The following TSNARE1 variants were observed in gnomAD, a reference collection of about 807,000 sequenced individuals.
TSNARE1 encodes t-SNARE domain containing 1.
TSNARE1 carries 49 observed loss-of-function variants against 62.0 expected under a neutral mutation model. That is an observed-to-expected ratio of 0.79 (90% CI 0.63 to 1.00). The LOEUF is 1.00. Among genes scored for constraint, TSNARE1 ranks in the 50% least tolerant of loss-of-function variants. The pLI, the probability that TSNARE1 is intolerant of heterozygous loss-of-function variation, is 0.00. For synonymous variants in TSNARE1, 328 were observed against 294.4 expected (o/e 1.11, Z -1.17); for missense variants, 755 against 700.1 (o/e 1.08, Z -0.88).
At chr8:142,306,720 A>G (rs1415661704) in intron 9 of TSNARE1, among the ~76,000 whole-genome samples, 2 of 152,202 alleles carry the variant, frequency 1.3e-5, no homozygotes, top group South Asian at 2.1e-4. Flanking sequence ...ACAGGGTTGC[A>G]TATCATCTCA....
intron 1 of TSNARE1, among the ~76,000 whole-genome samples, chr8:142,388,826 C>G (rs1201065979): frequency 6.6e-6 from 1 of 152,024 alleles, no homozygotes; most frequent in Admixed American, 6.5e-5. Context: ...TCTGTCTGCC[C>G]CGGCCTCCCA....
intron 6 of TSNARE1, among the ~76,000 whole-genome samples, chr8:142,320,957 T>C (rs1036962095): frequency 1.2e-4 from 19 of 152,316 alleles, no homozygotes; most frequent in African/African-American, 4.3e-4. Context: ...GCTTTTCTCT[T>C]TCCAGGCAGG....
chr8:142,271,281 C>T (rs1819510579), intron 12 of TSNARE1: 1 of 1,063,480 alleles, frequency 9.4e-7, no homozygotes. Flanking sequence ...CGGTTGAGGG[C>T]CTCCACGCCA....
chr8:142,343,103 G>A (rs543336996), intron 4 of TSNARE1, among the ~76,000 whole-genome samples: 4 of 152,246 alleles, frequency 2.6e-5, no homozygotes, highest in East Asian at 3.9e-4. Context: ...CCAATAAAGC[G>A]ATGCTCTCCC....
intron 10 of TSNARE1, among the ~76,000 whole-genome samples, chr8:142,285,912 C>G (rs1822661032): frequency 6.6e-6 from 1 of 152,206 alleles, no homozygotes; most frequent in Non-Finnish European, 1.5e-5. Context: ...CACATACCAT[C>G]CCCTTCACAC....
At chr8:142,276,645 T>G (rs1272271146) in intron 11 of TSNARE1, 1 of 985,268 alleles carries the variant, frequency 1.0e-6, no homozygotes, top group African/African-American at 1.7e-5. Flanking sequence ...ACACGCAGCC[T>G]CAGCCAAGCC....
At chr8:142,318,663 A>AGGCAGGGGAGGAAGGC in intron 6 of TSNARE1, 29 bp from the exon 7 acceptor site, 1 of 1,611,536 alleles carries the variant, frequency 6.2e-7, no homozygotes, top group Non-Finnish European at 8.5e-7. Flanking sequence ...CCAGGAGCGA[A>AGGCAGGGGAGGAAGGC]GGCAGGGGAG....
rs369916497 is a variant in TSNARE1 at position 142,331,806 on chromosome 8, G to C, written c.771C>G (p.Leu257=). 2.4e-5 allele frequency: 39 copies of C among 1,609,026 alleles called. No individual in the cohort carries two copies. The highest frequency in any genetic ancestry group is 3.1e-5 in the Non-Finnish European group (37 of 1,177,860). The change falls in exon 5 of 14, where the codon CTC becomes CTG. Residue 257 remains leucine, a synonymous_variant. Transcript: ENST00000524325. ...PRATQVDPCN[L]QELFQEMSAN... is the part of the protein sequence containing the mutation. ...CCGACATCTCCTGGAACAGCTCCTG[G>C]AGGTTGCACGGATCGACCTGGGTGG...
intron 2 of TSNARE1, among the ~76,000 whole-genome samples, chr8:142,350,105 G>GCAGGGCAGGCAAGGCTGGGAC (rs1833907887): frequency 8.3e-6 from 1 of 120,560 alleles, no homozygotes; most frequent in Non-Finnish European, 1.7e-5. Flanking sequence ...GGCAGGGCAG[G>GCAGGGCAGGCAAGGCTGGGAC]CAGGGCAGGC....
chr8:142,238,652 C>T (rs933556449), intron 12 of TSNARE1, among the ~76,000 whole-genome samples: 15 of 152,016 alleles, frequency 9.9e-5, no homozygotes, highest in Non-Finnish European at 1.8e-4. Context: ...CCACACTCCT[C>T]CTGCCTCACC....
chr8:142,250,635 C>A (rs746096249), intron 12 of TSNARE1, among the ~76,000 whole-genome samples: 11 of 152,204 alleles, frequency 7.2e-5, no homozygotes, highest in Non-Finnish European at 1.0e-4. Flanking sequence ...GCTGGATGCA[C>A]CTGAAGCAGC....
At chr8:142,311,768 A>G (rs1160100542) in intron 9 of TSNARE1, among the ~76,000 whole-genome samples, 2 of 152,014 alleles carry the variant, frequency 1.3e-5, no homozygotes, top group Admixed American at 6.6e-5. Context: ...TAGATTTTCT[A>G]TCATTTTTTC....
intron 1 of TSNARE1, among the ~76,000 whole-genome samples, chr8:142,389,863 CTGTATCATTA>C (rs1325918711): frequency 6.6e-6 from 1 of 152,216 alleles, no homozygotes; most frequent in Non-Finnish European, 1.5e-5. Flanking sequence ...AATCTGAGGA[CTGTATCATTA>C]GATGATTTCC....
intron 1 of TSNARE1, among the ~76,000 whole-genome samples, chr8:142,388,899 T>C (rs1837293208): frequency 2.0e-5 from 3 of 152,210 alleles, no homozygotes; most frequent in East Asian, 1.9e-4. Flanking sequence ...TAGAATGCAA[T>C]AGTATTCACA....
chr8:142,300,788 C>T, intron 9 of TSNARE1, 144 bp from the exon 10 acceptor site: 13 of 777,824 alleles, frequency 1.7e-5, no homozygotes, highest in Admixed American at 7.3e-5. Context: ...GAGGCGGGGG[C>T]CTTCTGCGGC....
intron 12 of TSNARE1, among the ~76,000 whole-genome samples, chr8:142,234,325 G>A (rs951036431): frequency 1.2e-4 from 17 of 142,182 alleles, no homozygotes; most frequent in South Asian, 2.3e-4. Flanking sequence ...CCAAGATGGC[G>A]CCATGACCCC....
In TSNARE1 at chr8:142,215,530, C is replaced by A. The variant is rs1815792347; in HGVS notation, c.*12-3217G>T. ...TTGTCCACCACCACCCCTCAGCCTC[C>A]CCACACACACTCTGTCCAAGCCAGG... On this transcript the variant is annotated intron_variant, in intron 13 of 13. Transcript: ENST00000524325. 2.0e-5 allele frequency among the ~76,000 whole-genome samples: 3 copies of A among 152,144 alleles called. No homozygotes were observed. In the South Asian group the frequency reaches 6.2e-4, roughly 31 times the overall value.
intron 10 of TSNARE1, among the ~76,000 whole-genome samples, chr8:142,296,740 G>A (rs1470387466): frequency 1.3e-5 from 2 of 152,042 alleles, no homozygotes; most frequent in African/African-American, 4.8e-5. Context: ...TCAGATCAGG[G>A]CAGGGTGCTC....
chr8:142,359,502 C>A (rs1835000744), intron 1 of TSNARE1, among the ~76,000 whole-genome samples: 1 of 152,344 alleles, frequency 6.6e-6, no homozygotes, highest in African/African-American at 2.4e-5. Flanking sequence ...GAAGCCCAGC[C>A]CTCACAGGTG....
Sources: allele counts gnomAD v4.1 joint callset (sites outside exome capture counted in the v4.1 genomes callset), GRCh38; gene constraint gnomAD v4.1.1; transcripts MANE v1.5; gene names NCBI Gene and HGNC (gene_info 2026-07-23, HGNC 2026-07-21).